The following OGT variants were observed in gnomAD, a reference collection of about 807,000 sequenced individuals.
OGT encodes O-linked N-acetylglucosamine (GlcNAc) transferase, also known as UDP-N-acetylglucosamine--peptide N-acetylglucosaminyltransferase 110 kDa subunit.
OGT carries 3 observed loss-of-function variants against 75.8 expected under a neutral mutation model. That is an observed-to-expected ratio of 0.04 (90% confidence interval 0.02 to 0.10). OGT has a LOEUF of 0.10. OGT is among the 10% of genes least tolerant of loss of function. The probability of loss-of-function intolerance (pLI) is 1.00; values close to 1 mark genes in which losing one functional copy is unlikely to be tolerated. For missense variants in OGT, 260 were observed against 824.4 expected, an observed-to-expected ratio of 0.32 and a Z score of 8.38; for synonymous variants, 257 against 289.7, an observed-to-expected ratio of 0.89 and a Z score of 1.15.
chrX:71,554,458 T>G, intron 5 of OGT, 55 bp from the exon 6 acceptor site: 1 of 855,422 alleles, frequency 1.2e-6, no homozygotes, highest in Non-Finnish European at 1.7e-6. Context: ...ATTGGGAAGT[T>G]GATCTGGTGA....
chrX:71,572,045 A>G (rs960693173), intron 21 of OGT, among the ~76,000 whole-genome samples: 1 of 111,419 alleles, frequency 9.0e-6, no homozygotes, highest in African/African-American at 3.3e-5. Flanking sequence ...CTGGGATTAC[A>G]GGTGTGAGCC....
At chrX:71,559,127 C>G in intron 12 of OGT, 140 bp from the exon 13 acceptor site, 1 of 494,170 alleles carries the variant, frequency 2.0e-6, no homozygotes. Context: ...GAGGTTGCAT[C>G]TCTCTGGCAA....
intron 2 of OGT, chrX:71,537,061 G>T (rs947580392): frequency 7.9e-5 from 13 of 164,528 alleles, no homozygotes; most frequent in Non-Finnish European, 1.4e-4. Flanking sequence ...TCTGCCTCCT[G>T]GGTTCAAGCG....
intron 5 of OGT, among the ~76,000 whole-genome samples, chrX:71,552,366 A>G (rs2040311489): frequency 9.1e-6 from 1 of 109,537 alleles, no homozygotes. Context: ...TCAGTTAATG[A>G]GAAATTGGAG....
At chrX:71,550,598 T>C (rs2040296761) in intron 5 of OGT, among the ~76,000 whole-genome samples, 2 of 111,836 alleles carry the variant, frequency 1.8e-5, no homozygotes, top group Non-Finnish European at 3.8e-5. Context: ...GCCCGTATTT[T>C]AATGGGCGTA....
intron 3 of OGT, among the ~76,000 whole-genome samples, chrX:71,542,457 G>C (rs989789745): frequency 2.7e-5 from 3 of 111,914 alleles, no homozygotes; most frequent in East Asian, 5.6e-4. Context: ...TTAACTATGA[G>C]CATTGTGTTA....
At chrX:71,543,376 T>C (rs1019133561) in intron 3 of OGT, among the ~76,000 whole-genome samples, 5 of 111,459 alleles carry the variant, frequency 4.5e-5, no homozygotes, top group African/African-American at 1.6e-4. Context: ...ACTGTTGTGA[T>C]GAGTGTCTCA....
intron 4 of OGT, chrX:71,544,956 A>G: frequency 4.2e-6 from 1 of 236,112 alleles, no homozygotes; most frequent in Non-Finnish European, 7.8e-6. Context: ...GGTGACAAGC[A>G]GAGCGCCTGT....
chrX:71,535,705 T>G (rs1203733090), intron 1 of OGT, among the ~76,000 whole-genome samples: 1 of 111,872 alleles, frequency 8.9e-6, no homozygotes, highest in African/African-American at 3.3e-5. Context: ...TTACCAGTAC[T>G]CCACCTCAAC....
intron 5 of OGT, among the ~76,000 whole-genome samples, chrX:71,551,200 A>G (rs189536515): frequency 2.2e-4 from 25 of 112,542 alleles, no homozygotes; most frequent in African/African-American, 7.7e-4. Flanking sequence ...AATTAAAAGA[A>G]TAAAGCATAT....
chrX:71,562,822 C>T (rs767475454), intron 15 of OGT, 25 bp from the exon 16 acceptor site: 1 of 1,157,126 alleles, frequency 8.6e-7, no homozygotes, highest in Non-Finnish European at 1.2e-6. Context: ...AGTTCTTAAT[C>T]AGTTTTTGAT....
At chrX:71,552,644 C>T (rs954592101) in intron 5 of OGT, among the ~76,000 whole-genome samples, 1 of 109,586 alleles carries the variant, frequency 9.1e-6, no homozygotes, top group African/African-American at 3.3e-5. Context: ...CTCGGCCTCT[C>T]AAAGTGCTAG....
At chrX:71,552,289 T>C (rs2040311075) in intron 5 of OGT, among the ~76,000 whole-genome samples, 1 of 111,462 alleles carries the variant, frequency 9.0e-6, no homozygotes, top group Non-Finnish European at 1.9e-5. Flanking sequence ...ACACAAACTT[T>C]TAAAGGATTA....
chrX:71,542,552 T>G (rs1482669426), intron 3 of OGT, among the ~76,000 whole-genome samples: 1 of 111,680 alleles, frequency 9.0e-6, no homozygotes. Flanking sequence ...CATCCAAGAG[T>G]TCATAGAAAC....
chrX:71,555,859 C>T, intron 7 of OGT, 95 bp from the exon 8 acceptor site: 1 of 1,013,039 alleles, frequency 9.9e-7, no homozygotes, highest in African/African-American at 1.9e-5. Context: ...TGTAGCATTA[C>T]CAGCCATTAG....
chrX:71,550,236 T>C (rs926362219), intron 5 of OGT, among the ~76,000 whole-genome samples: 1 of 112,448 alleles, frequency 8.9e-6, no homozygotes, highest in Non-Finnish European at 1.9e-5. Flanking sequence ...ACATCCTCAC[T>C]AACACTTGTT....
intron 21 of OGT, among the ~76,000 whole-genome samples, chrX:71,570,798 G>A (rs1416587818): frequency 1.8e-5 from 2 of 110,086 alleles, no homozygotes; most frequent in African/African-American, 6.6e-5. Flanking sequence ...AAAAAATGTA[G>A]TGCGTTTTAT....
intron 1 of OGT, 66 bp downstream of exon 1, chrX:71,533,402 ATCAC>A: frequency 1.0e-6 from 1 of 984,035 alleles, no homozygotes; most frequent in Non-Finnish European, 1.4e-6. Context: ...TCTACCTTGT[ATCAC>A]TCCTTCCCTC....
chrX:71,562,667 C>G (rs867096042), intron 15 of OGT, among the ~76,000 whole-genome samples, 180 bp from the exon 16 acceptor site: 2 of 111,857 alleles, frequency 1.8e-5, no homozygotes, highest in African/African-American at 3.2e-5. Context: ...AGAGTTAGAC[C>G]TCCTTGTTTA....
Sources: gnomAD v4.1 joint callset for allele counts (sites outside exome capture counted in the v4.1 genomes callset) on GRCh38, gnomAD v4.1.1 for gene constraint, MANE v1.5 for transcripts, NCBI Gene and HGNC (gene_info 2026-07-23, HGNC 2026-07-21) for gene names.